Variants in MFSD12 observed in about 807,000 individuals in gnomAD.
MFSD12 encodes major facilitator superfamily domain containing 12.
Under a neutral mutation model 51.2 loss-of-function variants are expected in MFSD12, and 67 were observed. The observed-to-expected ratio is 1.31, with a 90% CI of 1.08 to 1.60. MFSD12 has a LOEUF of 1.60. MFSD12 is among the 40% of genes most tolerant of loss of function. The pLI is 0.00. For synonymous variants in MFSD12, 441 were observed against 316.7 expected, an observed-to-expected ratio of 1.39 and a Z score of -4.17; for missense variants, 921 against 673.0, an observed-to-expected ratio of 1.37 and a Z score of -4.08.
intron 4 of MFSD12, 58 bp from the exon 5 acceptor site, chr19:3,547,605 C>G (rs1222902438): frequency 6.7e-7 from 1 of 1,485,910 alleles, no homozygotes; most frequent in Non-Finnish European, 9.2e-7. Context: ...TCCACTCCCA[C>G]CAGCAGGGGG....
At chr19:3,546,838 CTTT>C (rs373687775) in intron 6 of MFSD12, among the ~76,000 whole-genome samples, 3 of 151,032 alleles carry the variant, frequency 2.0e-5, no homozygotes, top group Admixed American at 1.3e-4. Flanking sequence ...AGATCTGGGG[CTTT>C]TTTTTTCTGG....
chr19:3,543,360 C>T (rs557865552), downstream of MFSD12: 107 of 1,549,432 alleles, frequency 6.9e-5, no homozygotes, highest in Admixed American at 1.2e-4. Context: ...CTGACCAACT[C>T]GGACGCCTGG....
exon 5 of MFSD12, chr19:3,538,473 G>A (rs879885368): frequency 5.7e-5 from 18 of 316,284 alleles, no homozygotes; most frequent in Non-Finnish European, 8.2e-5. Flanking sequence ...CGGCACCCAC[G>A]AATCCTCTCC....
At chr19:3,554,366 G>A (rs1053748845) in intron 1 of MFSD12, among the ~76,000 whole-genome samples, 1 of 151,670 alleles carries the variant, frequency 6.6e-6, no homozygotes. Flanking sequence ...GAACTCAGGA[G>A]GCGAAGGTTG....
intron 6 of MFSD12, among the ~76,000 whole-genome samples, 180 bp from the exon 7 acceptor site, chr19:3,546,605 T>C (rs1374026388): frequency 2.0e-5 from 3 of 152,270 alleles, no homozygotes; most frequent in African/African-American, 4.8e-5. Flanking sequence ...ATGCCAGAGC[T>C]GTGCTCTCTG....
chr19:3,556,651 G>A (rs1249941779), intron 1 of MFSD12, among the ~76,000 whole-genome samples: 1 of 151,840 alleles, frequency 6.6e-6, no homozygotes, highest in African/African-American at 2.4e-5. Context: ...GGGACAGGCA[G>A]GGGAGGCTCA....
In MFSD12 at chr19:3,547,309, AAGG is replaced by A. The variant is rs766308068; in HGVS notation, c.983_985del (p.Ser328del). The A allele has an allele frequency of 2.1e-5, 34 of 1,613,098 alleles. No homozygotes were observed. Among genetic ancestry groups the A allele is most frequent in the Non-Finnish European group, 2.7e-5 (32 of 1,179,914 alleles). On this transcript the variant is annotated inframe_deletion, in exon 6 of 10. Coordinates refer to ENST00000355415, the MANE Select transcript of MFSD12 (RefSeq NM_174983.5). The stretch of plus-strand genomic sequence containing the variant: ...GCACTTGTTGATGGGCTTCATGAGG[AAGG>A]AGGACAAGAAGCCGCTGAGGTACAT...
At position 3,547,200 on chromosome 19, in the gene MFSD12, G is replaced by A. The variant is rs527543441; in HGVS notation, c.1023+72C>T. On this transcript the variant is annotated intron_variant, in intron 6 of 9. Coordinates refer to ENST00000355415, the MANE Select transcript of MFSD12 (RefSeq NM_174983.5). ...CTGAGAGCATCCGAGGATGGAACCC[G>A]GAGCGGGTGGGATCTCGGCTGCAGG... 90 of 1,351,530 alleles carry A rather than the reference G, an allele frequency of 6.7e-5. 1 individual carries two copies. The highest frequency in any genetic ancestry group is 8.6e-5 in the African/African-American group (6 of 69,734). The allele number at this position is 1,351,530 out of a possible 1,614,324, so 83.7% of individuals were successfully genotyped here. A position where few individuals can be genotyped will look rare whatever the true frequency, so the allele number is the denominator to read the frequency against.
chr19:3,542,979 T>C, downstream of MFSD12: 1 of 1,569,116 alleles, frequency 6.4e-7, no homozygotes, highest in Non-Finnish European at 8.7e-7. Context: ...CAAGAAAAGC[T>C]GAGAACAGAA....
intron 6 of MFSD12, 110 bp from the exon 7 acceptor site, chr19:3,546,535 G>A (rs773729537): frequency 5.4e-6 from 7 of 1,291,018 alleles, no homozygotes; most frequent in Non-Finnish European, 6.3e-6. Context: ...TGAGCTGGAT[G>A]GTCCCTAAGG....
chr19:3,557,545 C>T lies in MFSD12; in HGVS notation c.-142G>A. 2.6e-6 allele frequency: 1 copy of T among 388,570 alleles called. No homozygotes were observed. Among genetic ancestry groups the T allele is most frequent in the Non-Finnish European group, 3.8e-6 (1 of 260,158 alleles). 24.1% of individuals were successfully genotyped at this position (388,570 alleles called of 1,614,324 possible). ...GCGTCCCGCTCTCTTACGGCCGCGCCCTCACCCACGTCCGCCGCGTCCGCC... is the reference window on the plus strand; with the variant it reads ...GCGTCCCGCTCTCTTACGGCCGCGCTCTCACCCACGTCCGCCGCGTCCGCC... On this transcript the variant is annotated 5_prime_UTR_variant, in exon 1 of 10. Transcript: ENST00000355415.
chr19:3,556,770 G>T (rs992314261), intron 1 of MFSD12, among the ~76,000 whole-genome samples: 1 of 150,838 alleles, frequency 6.6e-6, no homozygotes, highest in Non-Finnish European at 1.5e-5. Context: ...ACAAACAGGG[G>T]AGACTTAGGT....
chr19:3,551,840 C>G lies in MFSD12; in HGVS notation c.299-646G>C, dbSNP rs886496980. 4.6e-5 allele frequency among the ~76,000 whole-genome samples: 7 copies of G among 152,324 alleles called. No homozygotes were observed. The highest frequency in any genetic ancestry group is 1.4e-4 in the African/African-American group (6 of 41,578). ...CCTGCCCTGCCCTTCCCTCTCTCCC[C>G]CTTCTCTCTCTGCTCCAGCCATGCA... On this transcript the variant is annotated intron_variant, in intron 1 of 9. Transcript: ENST00000355415. The surrounding 1 kb of genome is among the most constrained non-coding windows in gnomAD (Gnocchi z 4.6).
downstream of MFSD12, chr19:3,543,530 A>G: frequency 6.9e-7 from 1 of 1,451,690 alleles, no homozygotes; most frequent in South Asian, 1.3e-5. Flanking sequence ...GACAGGAATG[A>G]CCGCCAGCCC....
chr19:3,554,888 C>T (rs990595686), intron 1 of MFSD12, among the ~76,000 whole-genome samples: 2 of 152,188 alleles, frequency 1.3e-5, no homozygotes, highest in Admixed American at 1.3e-4. Flanking sequence ...GCATCAAGAG[C>T]GGCTGCCTGG....
At chr19:3,541,414 C>T (rs375911844), downstream of MFSD12, among the ~76,000 whole-genome samples, 47 of 151,516 alleles carry the variant, frequency 3.1e-4, no homozygotes, top group East Asian at 5.4e-3. Flanking sequence ...CCTCTGCCTC[C>T]TGGGTTCTAG....
Position 3,544,953 on chromosome 19 carries a change from CG to C in MFSD12, c.1290-15del. On this transcript the variant is annotated splice_polypyrimidine_tract_variant and intron_variant, in intron 8 of 9. Transcript: ENST00000355415. ...CAGAGCTCTGAGCTGTGGGAGGAGGCGGGGGATGAGTAGGCACCGCGGGTAC... is the reference window on the plus strand; with the variant it reads ...CAGAGCTCTGAGCTGTGGGAGGAGGCGGGGATGAGTAGGCACCGCGGGTAC... The C allele has an allele frequency of 1.3e-6, 2 of 1,598,412 alleles. No individual in the cohort carries two copies. The highest frequency in any genetic ancestry group is 8.5e-7 in the Non-Finnish European group (1 of 1,174,534).
chr19:3,538,462 C>T, exon 5 of MFSD12: 1 of 321,802 alleles, frequency 3.1e-6, no homozygotes, highest in South Asian at 2.4e-5. Flanking sequence ...CTCCCCAGTC[C>T]CGGCACCCAC....
At position 3,544,601 on chromosome 19, in the gene MFSD12, G is replaced by A; in HGVS notation, c.*109C>T. 3 of 1,488,966 alleles carry A rather than the reference G, an allele frequency of 2.0e-6. No individual in the cohort carries two copies. The highest frequency in any genetic ancestry group is 2.7e-6 in the Non-Finnish European group (3 of 1,121,734). The allele number at this position is 1,488,966 out of a possible 1,614,324, so 92.2% of individuals were successfully genotyped here. A position where few individuals can be genotyped will look rare whatever the true frequency, so the allele number is the denominator to read the frequency against. ...GGGAGCTGGGTGAGGATGGAGGGTG[G>A]GGGTCCAGAGAAGAGTGAGGGGCAG... is the stretch of plus-strand genomic sequence containing the variant. On this transcript the variant is annotated 3_prime_UTR_variant, in exon 10 of 10. Transcript: ENST00000355415.
Sources: allele counts gnomAD v4.1 joint callset (sites outside exome capture counted in the v4.1 genomes callset), GRCh38; gene constraint gnomAD v4.1.1; non-coding constraint Gnocchi (gnomAD v3.1); transcripts MANE v1.5; gene names NCBI Gene and HGNC (gene_info 2026-07-23, HGNC 2026-07-21).